GPR155: variants seen among roughly 807,000 people sequenced by gnomAD.
GPR155 encodes lysosomal cholesterol signaling protein.
A neutral mutation model predicts 93.1 loss-of-function variants in GPR155; 65 were observed. That is an observed-to-expected ratio of 0.70 (90% CI 0.57 to 0.86). GPR155 has a LOEUF of 0.86. Among genes scored for constraint, GPR155 ranks in the 40% least tolerant of loss-of-function variants. The pLI, the probability that GPR155 is intolerant of heterozygous loss-of-function variation, is 0.00. For synonymous variants in GPR155, 319 were observed against 360.1 expected (o/e 0.89, Z 1.29); for missense variants, 838 against 1,034.8 (o/e 0.81, Z 2.61).
At chr2:174,438,478 T>C (rs562472627) in intron 15 of GPR155, among the ~76,000 whole-genome samples, 2 of 152,342 alleles carry the variant, frequency 1.3e-5, no homozygotes, top group East Asian at 3.9e-4. Flanking sequence ...TTCTCTTTTT[T>C]AATTTTAAAA....
chr2:174,454,320 A>G (rs1009860269), intron 10 of GPR155, among the ~76,000 whole-genome samples: 11 of 151,980 alleles, frequency 7.2e-5, no homozygotes, highest in Non-Finnish European at 1.3e-4. Flanking sequence ...AATTTTTAGT[A>G]GAGACAGGGT....
Position 174,445,992 on chromosome 2 carries a change from G to C in GPR155, c.2013+619C>G, listed in dbSNP as rs145066971. ...CAGTCAGGTATGTTAGGAATAAGTGGCCCTGTGTACATTATTGAAATAGCT... is the reference window on the plus strand; with the variant it reads ...CAGTCAGGTATGTTAGGAATAAGTGCCCCTGTGTACATTATTGAAATAGCT... On this transcript the variant is annotated intron_variant, in intron 12 of 15. Transcript: ENST00000392552. Among the ~76,000 whole-genome samples the C allele has an allele frequency of 1.1e-3, 164 of 151,918 alleles. 1 individual carries two copies. The highest frequency in any genetic ancestry group is 3.9e-3 in the African/African-American group (162 of 41,444).
At chr2:174,482,027 A>T in intron 1 of GPR155, 40 bp from the exon 2 acceptor site, 4 of 1,035,388 alleles carry the variant, frequency 3.9e-6, no homozygotes, top group Non-Finnish European at 5.7e-6. Flanking sequence ...GGCCATCAAC[A>T]AGAATTCTAG....
Position 174,436,083 on chromosome 2 carries a change from T to TATTC in GPR155, c.*32_*33insGAAT. The stretch of plus-strand genomic sequence containing the variant: ...AAAACTAATGAATACGCGGCTAGAA[T>TATTC]ATGATTCCATGTAGGGTTCTCCCCT... On this transcript the variant is annotated 3_prime_UTR_variant, in exon 16 of 16. Coordinates refer to ENST00000392552, the MANE Select transcript of GPR155 (RefSeq NM_152529.7). 7 of 1,568,062 alleles carry TATTC rather than the reference T, an allele frequency of 4.5e-6. No individual in the cohort carries two copies. In the South Asian group the frequency reaches 7.9e-5, roughly 18 times the overall value.
intron 1 of GPR155, chr2:174,483,183 A>T (rs982455351): frequency 1.3e-5 from 2 of 148,534 alleles, no homozygotes; most frequent in Non-Finnish European, 3.0e-5. Context: ...ACAGAAAAAA[A>T]AATTTTTTTT....
chr2:174,465,747 G>C (rs1687820521), intron 7 of GPR155, 38 bp downstream of exon 7: 1 of 979,908 alleles, frequency 1.0e-6, no homozygotes, highest in Non-Finnish European at 1.6e-6. Context: ...GGGTGGGGTG[G>C]GGAACAGATC....
At chr2:174,439,660 T>C (rs1686894777) in intron 15 of GPR155, among the ~76,000 whole-genome samples, 2 of 152,208 alleles carry the variant, frequency 1.3e-5, no homozygotes, top group Non-Finnish European at 2.9e-5. Context: ...TCACATTTTA[T>C]ATGGCAATCA....
Position 174,481,542 on chromosome 2 carries a change from T to C in GPR155, c.415A>G (p.Ile139Val). ...AAGTCATTACTTTGTGTAGCAAAAA[T>C]AGGGAATAGTCCAGCTTTGCTAAAT... ...SRFSKAGLFP[I>V]FATQSNDFAL... Residue 139 changes from isoleucine to valine, a missense_variant, in exon 2 of 16, where the codon ATT (isoleucine) becomes GTT (valine). Around this residue, in one of 3 missense-constraint regions of GPR155, gnomAD observed 663 missense variants for 790.1 expected, o/e 0.84. Transcript: ENST00000392552. 1 of 1,611,800 alleles carries C rather than the reference T, an allele frequency of 6.2e-7. No individual in the cohort carries two copies. Among genetic ancestry groups the C allele is most frequent in the Non-Finnish European group, 8.5e-7 (1 of 1,179,458 alleles).
At position 174,451,552 on chromosome 2, in the gene GPR155, T is replaced by G. The variant is rs900215808; in HGVS notation, c.1876+2185A>C. On this transcript the variant is annotated intron_variant, in intron 11 of 15. Transcript: ENST00000392552. ...GGCTTAGGGATGGCACTAAATTGTATGATTAGATGAAGTCCCTATATAATG... is the reference window on the plus strand; with the variant it reads ...GGCTTAGGGATGGCACTAAATTGTAGGATTAGATGAAGTCCCTATATAATG... 7.2e-5 allele frequency among the ~76,000 whole-genome samples: 11 copies of G among 152,308 alleles called. No individual in the cohort carries two copies. In the East Asian group the frequency reaches 2.1e-3, roughly 29 times the overall value.
Position 174,473,160 on chromosome 2 carries a change from A to C in GPR155, c.665T>G (p.Met222Arg). 2 of 1,613,080 alleles carry C rather than the reference A, an allele frequency of 1.2e-6. No homozygotes were observed. The highest frequency in any genetic ancestry group is 1.7e-6 in the Non-Finnish European group (2 of 1,179,542). The change falls in exon 3 of 16, where the codon ATG becomes AGG. Residue 222 changes from methionine to arginine, a missense_variant. Coordinates refer to ENST00000392552, the MANE Select transcript of GPR155 (RefSeq NM_152529.7). ...ATTGAAGGCGATGCCAATGAAGACCATAAATACTATTGGGTTCTGTAATAC... is the reference window on the plus strand; with the variant it reads ...ATTGAAGGCGATGCCAATGAAGACCCTAAATACTATTGGGTTCTGTAATAC... ...LRVLQNPIVF[M>R]VFIGIAFNFI...
intron 14 of GPR155, among the ~76,000 whole-genome samples, chr2:174,440,484 C>G (rs771302486): frequency 1.3e-5 from 2 of 152,016 alleles, no homozygotes; most frequent in Non-Finnish European, 2.9e-5. Context: ...AGTTTTGTTT[C>G]AGCAAGCCTA....
intron 10 of GPR155, among the ~76,000 whole-genome samples, chr2:174,457,015 T>TA (rs2105701203): frequency 6.6e-6 from 1 of 152,266 alleles, no homozygotes; most frequent in Non-Finnish European, 1.5e-5. Flanking sequence ...TTATTTCTTT[T>TA]AAAAAAGAAA....
intron 10 of GPR155, among the ~76,000 whole-genome samples, chr2:174,454,282 A>G (rs1574710024): frequency 6.6e-6 from 1 of 152,010 alleles, no homozygotes; most frequent in African/African-American, 2.4e-5. Context: ...GATTACAGGC[A>G]CCTGCCACCA....
Position 174,453,817 on chromosome 2 carries a change from T to C in GPR155, c.1796A>G (p.Asn599Ser). The C allele has an allele frequency of 6.2e-7, 1 of 1,613,192 alleles. No homozygotes were observed. Among genetic ancestry groups the C allele is most frequent in the Non-Finnish European group, 8.5e-7 (1 of 1,179,254 alleles). ...TATTGATGGGCAGTGTAATTCACCATTTCCCATGGAGCAGGAGCAGCAACC... is the reference window on the plus strand; with the variant it reads ...TATTGATGGGCAGTGTAATTCACCACTTCCCATGGAGCAGGAGCAGCAACC... ...ETSCCSCSMG[N>S]GELHCPSIEP... is the part of the protein sequence containing the mutation. Residue 599 changes from asparagine to serine, a missense_variant, in exon 11 of 16, where the codon AAT becomes AGT. Coordinates refer to ENST00000392552, the MANE Select transcript of GPR155 (RefSeq NM_152529.7).
chr2:174,452,075 T>A (rs971354775), intron 11 of GPR155, among the ~76,000 whole-genome samples: 9 of 152,214 alleles, frequency 5.9e-5, no homozygotes, highest in African/African-American at 2.2e-4. Flanking sequence ...CTACTAGGTA[T>A]ATTGTGTAGG....
In GPR155 at chr2:174,436,398, A is replaced by C. The variant is rs369436381; in HGVS notation, c.2331T>G (p.Ser777=). The C allele has an allele frequency of 8.1e-6, 13 of 1,614,054 alleles. No homozygotes were observed. The African/African-American group carries it at 1.5e-4, about 18-fold the overall frequency. The change falls in exon 16 of 16, where the codon TCT becomes TCG. Residue 777 remains serine, a synonymous_variant. Transcript: ENST00000392552. Reference sequence around the variant, plus strand: ...GGTCACAGCCACAGAAAGTTCCAGCAGAAGTCTTTGCACCACACCTGTGTC... The same window carrying C: ...GGTCACAGCCACAGAAAGTTCCAGCCGAAGTCTTTGCACCACACCTGTGTC... ...VKERRCGAKT[S]AGTFCGCDLV... is the part of the protein sequence containing the mutation.
At chr2:174,455,417 C>T (rs1056039885) in intron 10 of GPR155, among the ~76,000 whole-genome samples, 1 of 152,146 alleles carries the variant, frequency 6.6e-6, no homozygotes, top group Non-Finnish European at 1.5e-5. Context: ...TTGGGCACTA[C>T]GTGCAGCGCT....
At chr2:174,457,406 C>G (rs1687551161) in intron 10 of GPR155, among the ~76,000 whole-genome samples, 1 of 152,176 alleles carries the variant, frequency 6.6e-6, no homozygotes, top group African/African-American at 2.4e-5. Flanking sequence ...GATTACAAAT[C>G]AAGACACAAA....
chr2:174,446,475 T>C, intron 12 of GPR155, 136 bp downstream of exon 12: 1 of 707,720 alleles, frequency 1.4e-6, no homozygotes, highest in East Asian at 2.7e-5. Context: ...ATTATTTAGC[T>C]CAAGATCCAA....
Sources: allele counts gnomAD v4.1 joint callset (sites outside exome capture counted in the v4.1 genomes callset), GRCh38; gene constraint gnomAD v4.1.1; regional missense constraint gnomAD v4.1.1; transcripts MANE v1.5; gene names NCBI Gene and HGNC (gene_info 2026-07-23, HGNC 2026-07-21).